The following AUTS2 variants were observed in gnomAD, a reference collection of about 807,000 sequenced individuals.
AUTS2 encodes the protein autism susceptibility gene 2 protein.
A neutral mutation model predicts 112.4 loss-of-function variants in AUTS2; 17 were observed. The observed-to-expected ratio is 0.15, with a 90% CI of 0.10 to 0.23. AUTS2 has a LOEUF of 0.23. AUTS2 is among the 10% of genes least tolerant of loss of function. The probability of loss-of-function intolerance (pLI) is 1.00; values close to 1 mark genes in which losing one functional copy is unlikely to be tolerated. For missense variants in AUTS2, 1,510 were observed against 1,701.6 expected (o/e 0.89, Z 1.98); for synonymous variants, 751 against 702.7 (o/e 1.07, Z -1.09).
intron 13 of AUTS2, chr7:70,776,755 A>G (rs1402458858): frequency 2.8e-6 from 1 of 363,520 alleles, no homozygotes; most frequent in Non-Finnish European, 5.2e-6. Context: ...TTTGTTAAGT[A>G]GGGCTTCCCA....
intron 4 of AUTS2, among the ~76,000 whole-genome samples, chr7:70,323,624 A>C (rs983000308): frequency 3.3e-5 from 5 of 152,246 alleles, no homozygotes; most frequent in African/African-American, 1.2e-4. Context: ...CCATAAAGCC[A>C]GCCAACCATG....
chr7:70,765,866 T>C (rs1273764107), intron 8 of AUTS2, among the ~76,000 whole-genome samples: 2 of 151,820 alleles, frequency 1.3e-5, no homozygotes, highest in African/African-American at 4.8e-5. Context: ...TGGCCTGGAG[T>C]TTGTTCCCCA....
At chr7:69,905,261 A>G (rs1469187775) in intron 2 of AUTS2, among the ~76,000 whole-genome samples, 1 of 152,226 alleles carries the variant, frequency 6.6e-6, no homozygotes, top group Non-Finnish European at 1.5e-5. Context: ...AATTTTAAAT[A>G]AAAATTTAGT....
At chr7:70,013,274 T>C (rs1799885768) in intron 2 of AUTS2, among the ~76,000 whole-genome samples, 1 of 152,196 alleles carries the variant, frequency 6.6e-6, no homozygotes, top group Non-Finnish European at 1.5e-5. Context: ...CCTTGAGGAC[T>C]AACTTGGGCT....
intron 1 of AUTS2, among the ~76,000 whole-genome samples, chr7:69,891,772 ATCTTTTTTTTTT>A (rs1794531687): frequency 2.4e-5 from 1 of 41,026 alleles, no homozygotes; most frequent in Non-Finnish European, 5.3e-5. Context: ...CCAGACAGAT[ATCTTTTTTTTTT>A]TTTTTTTTTT....
At chr7:69,638,566 C>T (rs1228676553) in intron 1 of AUTS2, among the ~76,000 whole-genome samples, 1 of 152,076 alleles carries the variant, frequency 6.6e-6, no homozygotes. Flanking sequence ...TTTTTTTCCT[C>T]TGTTTGGAAA....
chr7:70,668,951 A>G (rs999897487), intron 5 of AUTS2, among the ~76,000 whole-genome samples: 15 of 152,134 alleles, frequency 9.9e-5, no homozygotes, highest in African/African-American at 3.6e-4. Context: ...CACCTGCTCT[A>G]TGGCAATCCC....
intron 1 of AUTS2, among the ~76,000 whole-genome samples, chr7:69,607,213 A>G (rs1486569661): frequency 6.6e-6 from 1 of 152,180 alleles, no homozygotes; most frequent in East Asian, 1.9e-4. Flanking sequence ...CCCTGAAATC[A>G]TATGAATTGG....
intron 4 of AUTS2, among the ~76,000 whole-genome samples, chr7:70,388,010 A>G (rs1793690944): frequency 6.6e-6 from 1 of 152,090 alleles, no homozygotes; most frequent in South Asian, 2.1e-4. Flanking sequence ...ATTCCTTCAT[A>G]TTCTGTATGT....
chr7:69,792,012 T>C (rs1242721013), intron 1 of AUTS2, among the ~76,000 whole-genome samples: 1 of 152,040 alleles, frequency 6.6e-6, no homozygotes, highest in African/African-American at 2.4e-5. Flanking sequence ...TCGATAGGCA[T>C]TCCTGCAGGA....
Position 69,776,108 on chromosome 7 carries a change from T to C in AUTS2, c.310-123178T>C, listed in dbSNP as rs566490000. The stretch of plus-strand genomic sequence containing the variant: ...TTTGCATGTGTCGTGGTTATCGTCA[T>C]CATATGACTAATGTCAGGGGGTCAG... On this transcript the variant is annotated intron_variant, in intron 1 of 18. Coordinates refer to ENST00000342771, the MANE Select transcript of AUTS2 (RefSeq NM_015570.4). Among the ~76,000 whole-genome samples the C allele has an allele frequency of 9.2e-5, 14 of 152,326 alleles. No homozygotes were observed. In the East Asian group the frequency reaches 2.7e-3, roughly 29 times the overall value.
intron 1 of AUTS2, among the ~76,000 whole-genome samples, chr7:69,749,725 G>C (rs114052845): frequency 6.6e-6 from 1 of 152,162 alleles, no homozygotes; most frequent in African/African-American, 2.4e-5. Flanking sequence ...AACAGTTCTC[G>C]CTGGCTTGCG....
intron 2 of AUTS2, among the ~76,000 whole-genome samples, chr7:69,950,293 A>G (rs12698820): frequency 0.25 from 37,377 of 151,986 alleles, 4,581 homozygotes; most frequent in Middle Eastern, 0.33. Flanking sequence ...TCAAAGCTAA[A>G]TTTTACCAAT....
At chr7:70,462,087 A>G (rs1796987612) in intron 5 of AUTS2, among the ~76,000 whole-genome samples, 1 of 152,004 alleles carries the variant, frequency 6.6e-6, no homozygotes, top group South Asian at 2.1e-4. Flanking sequence ...CCCCATCTCT[A>G]TGAGAAATAC....
intron 5 of AUTS2, chr7:70,596,176 C>A (rs1803193798): frequency 6.6e-6 from 1 of 150,636 alleles, no homozygotes; most frequent in Admixed American, 6.6e-5. Context: ...CGGGCCGGGG[C>A]GGGGCTGGGG....
chr7:69,822,253 C>T (rs1034189102), intron 1 of AUTS2, among the ~76,000 whole-genome samples: 4 of 152,184 alleles, frequency 2.6e-5, no homozygotes, highest in African/African-American at 9.6e-5. Flanking sequence ...GCTTAACCAT[C>T]ACAATTTTAG....
chr7:70,557,826 C>T (rs553809777), intron 5 of AUTS2, among the ~76,000 whole-genome samples: 127 of 152,248 alleles, frequency 8.3e-4, no homozygotes, highest in Non-Finnish European at 1.5e-3. Context: ...TGAGAGGCAA[C>T]GATAGGATGA....
chr7:69,957,309 T>C (rs1797254474), intron 2 of AUTS2, among the ~76,000 whole-genome samples: 1 of 151,864 alleles, frequency 6.6e-6, no homozygotes, highest in Non-Finnish European at 1.5e-5. Context: ...CATCGCTGGG[T>C]ACAAACAGCG....
chr7:70,260,322 C>T (rs140800868), intron 4 of AUTS2, among the ~76,000 whole-genome samples: 2,700 of 151,984 alleles, frequency 0.018, 40 homozygotes, highest in South Asian at 0.037. Context: ...GCTGAGATCA[C>T]GCCACTGTAC....
Sources: allele counts gnomAD v4.1 joint callset (sites outside exome capture counted in the v4.1 genomes callset), GRCh38; gene constraint gnomAD v4.1.1; transcripts MANE v1.5; gene names NCBI Gene and HGNC (gene_info 2026-07-23, HGNC 2026-07-21).